SAMD4B: variants seen among roughly 807,000 people sequenced by gnomAD.
The protein encoded by SAMD4B is protein Smaug homolog 2.
Under a neutral mutation model 74.5 loss-of-function variants are expected in SAMD4B, and 5 were observed. The ratio of observed to expected loss-of-function variants is 0.07; its 90% CI spans 0.04 to 0.14. SAMD4B has a LOEUF of 0.14. SAMD4B is among the 10% of genes least tolerant of loss of function. The pLI is 1.00. For missense variants in SAMD4B, 608 were observed against 921.8 expected, an observed-to-expected ratio of 0.66 and a Z score of 4.41; for synonymous variants, 373 against 374.9, an observed-to-expected ratio of 1.00 and a Z score of 0.06.
chr19:39,363,849 TATTC>T (rs2076795385), intron 3 of SAMD4B, among the ~76,000 whole-genome samples: 17 of 152,210 alleles, frequency 1.1e-4, no homozygotes, highest in Admixed American at 1.1e-3. Context: ...ATTGTGCAGG[TATTC>T]GTTGGGCCTC....
At chr19:39,389,688 C>T, downstream of SAMD4B, 2 of 1,614,104 alleles carry the variant, frequency 1.2e-6, no homozygotes, top group Non-Finnish European at 1.7e-6. The surrounding 1 kb of genome is among the most constrained non-coding windows in gnomAD (Gnocchi z 5.3). Context: ...TCGATGGTGA[C>T]CCCCAGGTCT....
rs2078191533 is a variant in SAMD4B at position 39,384,675 on chromosome 19, G to A, written c.*1148G>A. The A allele has an allele frequency of 6.6e-6, 1 of 152,580 alleles. No homozygotes were observed. Among genetic ancestry groups the A allele is most frequent in the African/African-American group, 2.4e-5 (1 of 41,402 alleles). The allele number at this position is 152,580 out of a possible 1,614,324, so 9.5% of individuals were successfully genotyped here. On this transcript the variant is annotated 3_prime_UTR_variant, in exon 14 of 14. Coordinates refer to ENST00000610417, the MANE Select transcript of SAMD4B (RefSeq NM_001384574.2). The stretch of plus-strand genomic sequence containing the variant: ...AATGAGGGGTTGTGTTGGGGCCCAG[G>A]TGGAGGGAGGGGATTTGGGGGTTCA...
At chr19:39,373,238 C>T (rs1476496451) in intron 4 of SAMD4B, among the ~76,000 whole-genome samples, 1 of 152,188 alleles carries the variant, frequency 6.6e-6, no homozygotes, top group Non-Finnish European at 1.5e-5. Context: ...CAGGGTGAGG[C>T]TCGTTGGCTT....
chr19:39,369,108 TC>T (rs2077143195), intron 3 of SAMD4B: 1 of 154,012 alleles, frequency 6.5e-6, no homozygotes, highest in South Asian at 2.0e-4. Flanking sequence ...ACTGCAGGTT[TC>T]TGAGAACAGG....
chr19:39,349,245 CAG>C (rs1321091852), intron 1 of SAMD4B, among the ~76,000 whole-genome samples: 3 of 152,088 alleles, frequency 2.0e-5, no homozygotes, highest in Non-Finnish European at 2.9e-5. Flanking sequence ...CAGTTGTCCA[CAG>C]AGAGGTGATG....
At chr19:39,367,342 A>G (rs2077016333) in intron 3 of SAMD4B, among the ~76,000 whole-genome samples, 1 of 152,162 alleles carries the variant, frequency 6.6e-6, no homozygotes, top group Admixed American at 6.5e-5. Context: ...ATGTGAGCTC[A>G]GTTGCCCAAG....
At chr19:39,386,741 G>A (rs775938786), downstream of SAMD4B, 1 of 1,614,148 alleles carries the variant, frequency 6.2e-7, no homozygotes. The surrounding 1 kb of genome is among the most constrained non-coding windows in gnomAD (Gnocchi z 6.1). Flanking sequence ...TTGACCACAA[G>A]CAGGGCGTTG....
At chr19:39,376,910 A>G (rs1158864911) in intron 7 of SAMD4B, 119 bp downstream of exon 7, 5 of 778,430 alleles carry the variant, frequency 6.4e-6, no homozygotes, top group Non-Finnish European at 1.1e-5. Context: ...TCCCAGCCCT[A>G]GGGACCCAGA....
chr19:39,352,812 ATTTATGGGAAAGAG>A (rs1368562744), intron 1 of SAMD4B, among the ~76,000 whole-genome samples: 3 of 152,260 alleles, frequency 2.0e-5, no homozygotes, highest in Admixed American at 6.5e-5. Context: ...CAGTAAAAGA[ATTTATGGGAAAGAG>A]TGTGCACAAC....
Position 39,383,378 on chromosome 19 carries a change from G to T in SAMD4B, c.2056+87G>T. On this transcript the variant is annotated intron_variant, in intron 13 of 13. Transcript: ENST00000610417. This position sits in a 1 kb window ranked among gnomAD's most constrained non-coding sequence, Gnocchi z 4.1. ...GAGCAACTCAGAGTCATCCTGAGGG[G>T]TCCCCAGGGGAGGCCAGACTCCAGG... is the stretch of plus-strand genomic sequence containing the variant. 1.3e-6 allele frequency: 2 copies of T among 1,566,924 alleles called. No individual in the cohort carries two copies. The highest frequency in any genetic ancestry group is 1.1e-5 in the South Asian group (1 of 90,188).
At chr19:39,345,621 T>G (rs145628634) in intron 1 of SAMD4B, among the ~76,000 whole-genome samples, 1 of 152,292 alleles carries the variant, frequency 6.6e-6, no homozygotes, top group African/African-American at 2.4e-5. Context: ...CCACTCACCT[T>G]CAACCTTGTA....
Position 39,369,833 on chromosome 19 carries a change from G to A in SAMD4B, c.375G>A (p.Leu125=), listed in dbSNP as rs1419833428. ...SNAFIEESRQ[L]LSYALIHPAT... is the part of the protein sequence containing the mutation. The stretch of plus-strand genomic sequence containing the variant: ...CTTTCATCGAGGAGAGTCGCCAGCT[G>A]CTTTCCTATGCCCTCATCCACCCAG... Residue 125 remains leucine (L), a synonymous_variant, in exon 4 of 14, where the codon CTG becomes CTA. Coordinates refer to ENST00000610417, the MANE Select transcript of SAMD4B (RefSeq NM_001384574.2). 1 of 1,614,260 alleles carries A rather than the reference G, an allele frequency of 6.2e-7. No individual in the cohort carries two copies.
chr19:39,376,388 G>C, intron 5 of SAMD4B, 49 bp from the exon 6 acceptor site: 2 of 1,491,082 alleles, frequency 1.3e-6, no homozygotes, highest in Non-Finnish European at 1.9e-6. Flanking sequence ...CTTTACCCTG[G>C]TAATCTGGGC....
In SAMD4B at chr19:39,356,886, C is replaced by T. The variant is rs757577719; in HGVS notation, c.-8C>T. ...CCGTCCCCCGACCCTGGCCCCAGGC[C>T]CGGCACCATGATGTTCCGAGACCAG... On this transcript the variant is annotated 5_prime_UTR_variant, in exon 3 of 14. Transcript: ENST00000610417. 10 of 1,601,730 alleles carry T rather than the reference C, an allele frequency of 6.2e-6. No individual in the cohort carries two copies. In the Admixed American group the frequency reaches 8.4e-5, roughly 13 times the overall value.
chr19:39,359,152 T>G (rs547778425), intron 3 of SAMD4B, among the ~76,000 whole-genome samples: 128 of 152,358 alleles, frequency 8.4e-4, no homozygotes, highest in Non-Finnish European at 1.7e-3. Flanking sequence ...GTTTGTGATA[T>G]GACTCTGCCT....
In SAMD4B at chr19:39,377,621, C is replaced by G. The variant is rs964128620; in HGVS notation, c.1241C>G (p.Ala414Gly). The change falls in exon 8 of 14, where the codon GCC (alanine) becomes GGC (glycine). Residue 414 changes from alanine (A) to glycine (G), a missense_variant. Physicochemically the swap from Ala to Gly is moderately conservative, Grantham distance 60. Around this residue, in one of 9 missense-constraint regions of SAMD4B, gnomAD observed 99 missense variants for 112.1 expected, o/e 0.88. Transcript: ENST00000610417. ...ACCACCCCTACTGCCAAGGATGGGG[C>G]CCCGGGGGAACCACCGCTGCCAGGT... ...ATTTPTAKDG[A>G]PGEPPLPGAE... 1.1e-5 allele frequency: 18 copies of G among 1,613,956 alleles called. No homozygotes were observed. The highest frequency in any genetic ancestry group is 2.7e-5 in the African/African-American group (2 of 74,956).
rs964287083 is a variant in SAMD4B at position 39,383,849 on chromosome 19, C to T, written c.*322C>T. 14 of 784,044 alleles carry T rather than the reference C, an allele frequency of 1.8e-5. No homozygotes were observed. Among genetic ancestry groups the T allele is most frequent in the Non-Finnish European group, 2.6e-5 (13 of 494,042 alleles). The allele number at this position is 784,044 out of a possible 1,614,324, so 48.6% of individuals were successfully genotyped here. A position where few individuals can be genotyped will look rare whatever the true frequency, so the allele number is the denominator to read the frequency against. On this transcript the variant is annotated 3_prime_UTR_variant, in exon 14 of 14. Transcript: ENST00000610417. This position sits in a 1 kb window ranked among gnomAD's most constrained non-coding sequence, Gnocchi z 4.1. Reference sequence around the variant, plus strand: ...CATCCCACCCCTGCCTCCTCCAGACCGCTGACCACCTGCCTCTCCCCAAGG... The same window carrying T: ...CATCCCACCCCTGCCTCCTCCAGACTGCTGACCACCTGCCTCTCCCCAAGG...
chr19:39,369,514 G>C, intron 3 of SAMD4B, 141 bp from the exon 4 acceptor site: 1 of 671,850 alleles, frequency 1.5e-6, no homozygotes, highest in Non-Finnish European at 2.5e-6. Flanking sequence ...CCTATATGAG[G>C]GATAAGTTTG....
At chr19:39,347,087 G>A (rs1250839746) in intron 1 of SAMD4B, among the ~76,000 whole-genome samples, 1 of 152,170 alleles carries the variant, frequency 6.6e-6, no homozygotes, top group Non-Finnish European at 1.5e-5. Context: ...ATTGGCTTTT[G>A]TTACTGGAAA....
Sources: gnomAD v4.1 joint callset for allele counts (sites outside exome capture counted in the v4.1 genomes callset) on GRCh38, gnomAD v4.1.1 for gene constraint, gnomAD v4.1.1 regional missense constraint, Gnocchi (gnomAD v3.1) non-coding constraint, MANE v1.5 for transcripts, NCBI Gene and HGNC (gene_info 2026-07-23, HGNC 2026-07-21) for gene names.